BLTP1: variants seen among roughly 807,000 people sequenced by gnomAD.
The protein encoded by BLTP1 is bridge-like lipid transfer protein family member 1.
At chr4:122,186,025 G>T in the BLTP1 span, 3 of 1,518,556 alleles carry the variant, frequency 2.0e-6, no homozygotes, top group Admixed American at 2.3e-5. Context: ...TTTTGTAATT[G>T]GTGTCTTTAG....
chr4:122,251,485 A>C, the BLTP1 span: 18 of 944,684 alleles, frequency 1.9e-5, no homozygotes, highest in Non-Finnish European at 2.3e-5. Flanking sequence ...AATGAGTTTA[A>C]TCACAGTTTT....
chr4:122,353,677 T>C, the BLTP1 span: 1 of 1,067,146 alleles, frequency 9.4e-7, no homozygotes, highest in Non-Finnish European at 1.3e-6. This position sits in a 1 kb window ranked among gnomAD's most constrained non-coding sequence, Gnocchi z 4.3. Flanking sequence ...AATTATTTGG[T>C]TTTTATCCTC....
At chr4:122,247,421 G>A in the BLTP1 span, 1 of 1,572,722 alleles carries the variant, frequency 6.4e-7, no homozygotes, top group Non-Finnish European at 8.7e-7. Flanking sequence ...TTTTGCAGAA[G>A]GGAACATGTT....
chr4:122,361,332 G>A, the BLTP1 span, among the ~76,000 whole-genome samples: 1 of 152,196 alleles, frequency 6.6e-6, no homozygotes, highest in East Asian at 1.9e-4. Flanking sequence ...CTTCGGGGAA[G>A]GGCGGGATGG....
chr4:122,197,933 A>G, the BLTP1 span: 13 of 979,100 alleles, frequency 1.3e-5, no homozygotes, highest in Non-Finnish European at 1.5e-5. Context: ...AGCAGTTAAG[A>G]TGAAATTCTG....
At chr4:122,229,823 A>G in the BLTP1 span, 5 of 1,319,442 alleles carry the variant, frequency 3.8e-6, no homozygotes, top group African/African-American at 1.6e-5. Context: ...TTCTCCTTCC[A>G]TTTATGTTTT....
the BLTP1 span, chr4:122,203,826 C>T: frequency 1.9e-6 from 1 of 533,548 alleles, no homozygotes; most frequent in South Asian, 8.5e-5. Flanking sequence ...AGACTAATAG[C>T]TGCAACATTT....
chr4:122,324,209 C>G, the BLTP1 span, among the ~76,000 whole-genome samples: 3 of 151,926 alleles, frequency 2.0e-5, no homozygotes, highest in African/African-American at 7.2e-5. Flanking sequence ...TCTTTTTTCT[C>G]AGGTCAGCTG....
the BLTP1 span, among the ~76,000 whole-genome samples, chr4:122,233,330 A>G: frequency 6.6e-6 from 1 of 152,208 alleles, no homozygotes; most frequent in Non-Finnish European, 1.5e-5. Flanking sequence ...ATGATCTTTA[A>G]TTAGATATAT....
chr4:122,278,146 C>T, the BLTP1 span, among the ~76,000 whole-genome samples: 1 of 151,980 alleles, frequency 6.6e-6, no homozygotes, highest in Non-Finnish European at 1.5e-5. Flanking sequence ...GGGGGCTTCA[C>T]AAACTGTGGA....
the BLTP1 span, chr4:122,331,602 A>T: frequency 1.3e-6 from 2 of 1,520,438 alleles, no homozygotes; most frequent in Non-Finnish European, 1.8e-6. Flanking sequence ...CTATTCATAT[A>T]TCACTGAATT....
the BLTP1 span, chr4:122,181,261 A>C: frequency 1.0e-6 from 1 of 968,446 alleles, no homozygotes. Context: ...AAAGAGCTAT[A>C]CTGGACAACT....
the BLTP1 span, among the ~76,000 whole-genome samples, chr4:122,258,051 G>T: frequency 6.6e-6 from 1 of 152,054 alleles, no homozygotes; most frequent in Non-Finnish European, 1.5e-5. Flanking sequence ...AAACTTTGGG[G>T]CCTGCGCTCA....
chr4:122,271,183 C>T, the BLTP1 span: 4 of 1,614,006 alleles, frequency 2.5e-6, no homozygotes, highest in Non-Finnish European at 3.4e-6. Context: ...ACACCTTTCA[C>T]TGCAACTTTA....
the BLTP1 span, chr4:122,261,415 C>T: frequency 3.8e-5 from 37 of 984,988 alleles, no homozygotes; most frequent in Non-Finnish European, 4.5e-5. Flanking sequence ...GCTTAGTTTC[C>T]GATCTTTGCT....
chr4:122,167,331 A>G, the BLTP1 span, among the ~76,000 whole-genome samples: 1 of 152,116 alleles, frequency 6.6e-6, no homozygotes, highest in East Asian at 1.9e-4. Context: ...TAATATGTTT[A>G]TTCATCTCCC....
the BLTP1 span, chr4:122,287,798 GATTCTA>G: frequency 2.3e-5 from 15 of 664,644 alleles, no homozygotes; most frequent in Non-Finnish European, 2.8e-5. Context: ...ATAGTGTTCA[GATTCTA>G]ACAAGTCAAA....
chr4:122,254,644 T>TTA, the BLTP1 span: 5 of 909,160 alleles, frequency 5.5e-6, no homozygotes, highest in Non-Finnish European at 6.6e-6. Flanking sequence ...CCATTTTTTT[T>TTA]AACATTTCTT....
At chr4:122,238,352 T>G in the BLTP1 span, 1 of 1,612,630 alleles carries the variant, frequency 6.2e-7, no homozygotes, top group Non-Finnish European at 8.5e-7. Context: ...CCAAGCAAGG[T>G]CAGTATTCAC....
Sources: allele counts gnomAD v4.1 joint callset (sites outside exome capture counted in the v4.1 genomes callset), GRCh38; gene constraint gnomAD v4.1.1; non-coding constraint Gnocchi (gnomAD v3.1); transcripts MANE v1.5; gene names NCBI Gene and HGNC (gene_info 2026-07-23, HGNC 2026-07-21).